Variants in ZNF704 observed in about 807,000 individuals in gnomAD.
ZNF704 encodes the protein zinc finger protein 704.
A neutral mutation model predicts 44.7 loss-of-function variants in ZNF704; 10 were observed. That is an observed-to-expected ratio of 0.22 (90% CI 0.14 to 0.38). The LOEUF (loss-of-function observed/expected upper bound fraction) is 0.38. Among genes scored for constraint, ZNF704 ranks in the 10% least tolerant of loss-of-function variants. ZNF704 has a pLI of 1.00. For missense variants in ZNF704, 390 were observed against 545.5 expected (o/e 0.71, Z 2.84); for synonymous variants, 211 against 207.6 (o/e 1.02, Z -0.14).
At chr8:80,699,748 C>T (rs1378607677) in intron 2 of ZNF704, among the ~76,000 whole-genome samples, 1 of 152,156 alleles carries the variant, frequency 6.6e-6, no homozygotes, top group Non-Finnish European at 1.5e-5. Context: ...GCTTTAATTT[C>T]CATTAAACTT....
chr8:80,863,459 C>A (rs1042897449), intron 1 of ZNF704, among the ~76,000 whole-genome samples: 2 of 152,090 alleles, frequency 1.3e-5, no homozygotes, highest in African/African-American at 4.8e-5. Flanking sequence ...AAAACTCTGC[C>A]GGTCTCCAAA....
intron 1 of ZNF704, among the ~76,000 whole-genome samples, chr8:80,835,505 G>C (rs1808543489): frequency 6.6e-6 from 1 of 152,174 alleles, no homozygotes; most frequent in Admixed American, 6.5e-5. Context: ...TCCACATGCT[G>C]CAAGAGAGAA....
At chr8:80,761,119 T>C (rs926341824) in intron 2 of ZNF704, among the ~76,000 whole-genome samples, 6 of 152,078 alleles carry the variant, frequency 3.9e-5, no homozygotes, top group Non-Finnish European at 5.9e-5. Context: ...TGCAAGGAAT[T>C]ACAGAGGCCC....
At chr8:80,764,231 C>A (rs6995747) in intron 2 of ZNF704, among the ~76,000 whole-genome samples, 16,899 of 152,088 alleles carry the variant, frequency 0.11, 1,244 homozygotes, top group African/African-American at 0.21. Context: ...GCAGTTTTCA[C>A]ACCACTATAA....
chr8:80,871,928 A>C (rs1170939705), intron 1 of ZNF704, among the ~76,000 whole-genome samples: 1 of 152,254 alleles, frequency 6.6e-6, no homozygotes, highest in South Asian at 2.1e-4. Flanking sequence ...TTACTTGAAG[A>C]TGTGAAAAAC....
intron 7 of ZNF704, among the ~76,000 whole-genome samples, chr8:80,648,421 C>G (rs967689873): frequency 6.6e-6 from 1 of 152,250 alleles, no homozygotes; most frequent in African/African-American, 2.4e-5. Flanking sequence ...AATGGCAAGA[C>G]AGTCATGTTT....
At chr8:80,709,178 C>T (rs1818943200) in intron 2 of ZNF704, among the ~76,000 whole-genome samples, 1 of 152,082 alleles carries the variant, frequency 6.6e-6, no homozygotes, top group East Asian at 1.9e-4. Flanking sequence ...GGTGTGGAGG[C>T]TCACGCCTGT....
At chr8:80,713,127 T>G (rs1819014289) in intron 2 of ZNF704, among the ~76,000 whole-genome samples, 1 of 152,052 alleles carries the variant, frequency 6.6e-6, no homozygotes, top group Non-Finnish European at 1.5e-5. Context: ...CAACTCCTGA[T>G]CTCAGGTGAT....
intron 1 of ZNF704, among the ~76,000 whole-genome samples, chr8:80,826,123 A>C (rs914734827): frequency 6.6e-6 from 1 of 152,218 alleles, no homozygotes; most frequent in African/African-American, 2.4e-5. Flanking sequence ...CTTCAAAAAA[A>C]TCAATGAATC....
intron 6 of ZNF704, among the ~76,000 whole-genome samples, chr8:80,662,661 G>T (rs1818119507): frequency 6.6e-6 from 1 of 152,082 alleles, no homozygotes; most frequent in Non-Finnish European, 1.5e-5. Context: ...AAATATATTT[G>T]CTAGTGGCAG....
At chr8:80,669,179 C>T (rs1818240819) in intron 5 of ZNF704, among the ~76,000 whole-genome samples, 1 of 152,136 alleles carries the variant, frequency 6.6e-6, no homozygotes, top group Non-Finnish European at 1.5e-5. Flanking sequence ...GGCAGACAGA[C>T]TTTAAAACAA....
intron 1 of ZNF704, among the ~76,000 whole-genome samples, chr8:80,841,788 T>C (rs1808684440): frequency 6.6e-6 from 1 of 152,098 alleles, no homozygotes; most frequent in Non-Finnish European, 1.5e-5. Context: ...GTCTCTTTTC[T>C]TTTTCTTCTT....
chr8:80,867,174 C>T (rs1020326935), intron 1 of ZNF704, among the ~76,000 whole-genome samples: 4 of 152,144 alleles, frequency 2.6e-5, no homozygotes, highest in Non-Finnish European at 5.9e-5. Flanking sequence ...TCTGTGTATA[C>T]GTGTCCCTTG....
chr8:80,761,454 C>T (rs1807129012), intron 2 of ZNF704, among the ~76,000 whole-genome samples: 1 of 152,080 alleles, frequency 6.6e-6, no homozygotes, highest in Non-Finnish European at 1.5e-5. Context: ...TCCTGAAAGA[C>T]ACAATCCTAA....
chr8:80,688,638 A>G (rs1480066538), intron 3 of ZNF704, among the ~76,000 whole-genome samples: 1 of 152,216 alleles, frequency 6.6e-6, no homozygotes, highest in Admixed American at 6.5e-5. Flanking sequence ...GGATAGGATA[A>G]GAATTTATTG....
At chr8:80,858,695 C>A (rs978687589) in intron 1 of ZNF704, among the ~76,000 whole-genome samples, 4 of 149,406 alleles carry the variant, frequency 2.7e-5, no homozygotes, top group East Asian at 1.9e-4. Context: ...AAAAAAAAAA[C>A]AAAAAACAAA....
At chr8:80,670,464 C>A (rs1302699980) in intron 5 of ZNF704, 39 bp downstream of exon 5, 1 of 1,479,002 alleles carries the variant, frequency 6.8e-7, no homozygotes, top group Non-Finnish European at 9.5e-7. Flanking sequence ...CTAGACTGAG[C>A]AGATGGGGGC....
At chr8:80,686,746 G>A (rs1416322464) in intron 4 of ZNF704, among the ~76,000 whole-genome samples, 10 of 152,032 alleles carry the variant, frequency 6.6e-5, no homozygotes, top group Admixed American at 1.3e-4. Context: ...AAGAATGGAA[G>A]TTTGTTTATA....
intron 4 of ZNF704, among the ~76,000 whole-genome samples, 179 bp downstream of exon 4, chr8:80,687,047 T>A (rs1324788756): frequency 1.3e-5 from 2 of 152,222 alleles, no homozygotes; most frequent in Non-Finnish European, 1.5e-5. Context: ...TTGTCATTTT[T>A]AAATTATCAC....
Sources: allele counts gnomAD v4.1 joint callset (sites outside exome capture counted in the v4.1 genomes callset), GRCh38; gene constraint gnomAD v4.1.1; transcripts MANE v1.5; gene names NCBI Gene and HGNC (gene_info 2026-07-23, HGNC 2026-07-21).